The following CSMD1 variants were observed in gnomAD, a reference collection of about 807,000 sequenced individuals.
The protein encoded by CSMD1 is CUB and Sushi multiple domains 1.
Under a neutral mutation model 417.5 loss-of-function variants are expected in CSMD1, and 213 were observed. The observed-to-expected ratio is 0.51, with a 90% confidence interval of 0.46 to 0.57. CSMD1 has a LOEUF of 0.57. CSMD1 is among the 20% of genes least tolerant of loss of function. The pLI is 0.00. For missense variants in CSMD1, 6,923 were observed against 4,529.7 expected, an observed-to-expected ratio of 1.53 and a Z score of -15.17; for synonymous variants, 2,862 against 1,736.8, an observed-to-expected ratio of 1.65 and a Z score of -16.11.
intron 41 of CSMD1, among the ~76,000 whole-genome samples, chr8:3,125,208 G>C (rs1209078068): frequency 6.6e-6 from 1 of 152,216 alleles, no homozygotes; most frequent in African/African-American, 2.4e-5. Context: ...AATTTTGGAA[G>C]GATCCTGTTG....
At chr8:4,164,021 T>C (rs1357643423) in intron 3 of CSMD1, among the ~76,000 whole-genome samples, 1 of 152,076 alleles carries the variant, frequency 6.6e-6, no homozygotes, top group Non-Finnish European at 1.5e-5. Context: ...ATAAGCAGAG[T>C]AAGCTGTTGG....
intron 12 of CSMD1, among the ~76,000 whole-genome samples, chr8:3,412,675 T>A (rs1043671686): frequency 6.6e-6 from 1 of 152,148 alleles, no homozygotes; most frequent in Non-Finnish European, 1.5e-5. Context: ...AGATGATCCT[T>A]ACAGAGTCAG....
In CSMD1 at chr8:4,164,272, ATTTTC is replaced by A. The variant is rs1192681405; in HGVS notation, c.416-132178_416-132174del. Among the ~76,000 whole-genome samples the A allele has an allele frequency of 2.6e-5, 4 of 152,190 alleles. No homozygotes were observed. The South Asian group carries it at 6.2e-4, about 24-fold the overall frequency. Reference sequence around the variant, plus strand: ...AACAAAATGATGTTAAAAAAGATTAATTTTCTTTAATGGATACAAATGATAAATAT... The same window carrying A: ...AACAAAATGATGTTAAAAAAGATTAATTTAATGGATACAAATGATAAATAT... On this transcript the variant is annotated intron_variant, in intron 3 of 69. Transcript: ENST00000635120.
At chr8:4,383,312 TG>T (rs1169175922) in intron 3 of CSMD1, among the ~76,000 whole-genome samples, 3 of 152,124 alleles carry the variant, frequency 2.0e-5, no homozygotes, top group Non-Finnish European at 2.9e-5. Flanking sequence ...GCGGTGGGCA[TG>T]GGGGGATCTC....
chr8:4,339,085 T>G (rs1800334330), intron 3 of CSMD1, among the ~76,000 whole-genome samples: 1 of 152,102 alleles, frequency 6.6e-6, no homozygotes, highest in African/African-American at 2.4e-5. Flanking sequence ...AGGCATGGAT[T>G]CTGAGTCTAG....
intron 3 of CSMD1, among the ~76,000 whole-genome samples, chr8:4,164,898 T>C (rs946588435): frequency 1.3e-5 from 2 of 150,950 alleles, no homozygotes; most frequent in Non-Finnish European, 2.9e-5. Context: ...AAAATATATA[T>C]ATATGTATAT....
intron 23 of CSMD1, among the ~76,000 whole-genome samples, chr8:3,323,655 C>T (rs546812868): frequency 6.6e-6 from 1 of 152,324 alleles, no homozygotes; most frequent in South Asian, 2.1e-4. Context: ...ACAGAAGAAA[C>T]ACATGACCTG....
At chr8:3,017,003 C>A (rs1182544299) in intron 52 of CSMD1, among the ~76,000 whole-genome samples, 1 of 152,234 alleles carries the variant, frequency 6.6e-6, no homozygotes, top group Non-Finnish European at 1.5e-5. Flanking sequence ...GTTATGTAAA[C>A]TGAATGTATC....
At chr8:4,778,531 A>G (rs1308872248) in intron 1 of CSMD1, among the ~76,000 whole-genome samples, 1 of 152,206 alleles carries the variant, frequency 6.6e-6, no homozygotes, top group Non-Finnish European at 1.5e-5. Context: ...CATACAGCAA[A>G]TCATAACTTT....
chr8:3,909,824 G>A (rs964966260), intron 5 of CSMD1, among the ~76,000 whole-genome samples: 1 of 150,164 alleles, frequency 6.7e-6, no homozygotes, highest in Non-Finnish European at 1.5e-5. Flanking sequence ...CATGGTGATT[G>A]TAATAGAAGC....
chr8:4,563,308 G>C (rs952402377), intron 2 of CSMD1, among the ~76,000 whole-genome samples: 1 of 152,182 alleles, frequency 6.6e-6, no homozygotes. Flanking sequence ...GGCTGAAGCA[G>C]GAGAATGGCG....
chr8:4,142,249 C>T (rs908976654), intron 3 of CSMD1, among the ~76,000 whole-genome samples: 1 of 151,156 alleles, frequency 6.6e-6, no homozygotes, highest in South Asian at 2.1e-4. Flanking sequence ...TTTACTAATA[C>T]AACAGGGTTT....
intron 3 of CSMD1, among the ~76,000 whole-genome samples, chr8:4,133,724 T>C (rs1803249647): frequency 6.6e-6 from 1 of 151,614 alleles, no homozygotes; most frequent in Non-Finnish European, 1.5e-5. Context: ...CTCAAGACTG[T>C]TTATGGTTAT....
At chr8:4,252,739 C>A (rs905531761) in intron 3 of CSMD1, among the ~76,000 whole-genome samples, 1 of 152,180 alleles carries the variant, frequency 6.6e-6, no homozygotes, top group Non-Finnish European at 1.5e-5. Context: ...ATTATGAGAG[C>A]GCTTTTAGAT....
At chr8:4,167,341 T>C (rs1416289578) in intron 3 of CSMD1, among the ~76,000 whole-genome samples, 1 of 152,202 alleles carries the variant, frequency 6.6e-6, no homozygotes, top group Non-Finnish European at 1.5e-5. Context: ...AGTAAGACTT[T>C]GTGAAGGGTG....
intron 3 of CSMD1, among the ~76,000 whole-genome samples, chr8:4,053,104 C>G (rs537611824): frequency 3.7e-4 from 56 of 152,238 alleles, no homozygotes; most frequent in African/African-American, 1.3e-3. Flanking sequence ...GGGGCTGATA[C>G]GAGGACCCCT....
chr8:4,844,067 T>G (rs1476256542), intron 1 of CSMD1, among the ~76,000 whole-genome samples: 2 of 152,204 alleles, frequency 1.3e-5, no homozygotes, highest in African/African-American at 2.4e-5. Flanking sequence ...GCCTCAGCTT[T>G]CTATCTTTAG....
intron 2 of CSMD1, among the ~76,000 whole-genome samples, chr8:4,424,958 A>G (rs1797460347): frequency 6.6e-6 from 1 of 152,140 alleles, no homozygotes; most frequent in African/African-American, 2.4e-5. Context: ...ACTCAAGAAC[A>G]TATTAAGATT....
At chr8:3,302,961 A>G (rs901700626) in intron 25 of CSMD1, among the ~76,000 whole-genome samples, 3 of 152,344 alleles carry the variant, frequency 2.0e-5, no homozygotes, top group East Asian at 3.9e-4. Context: ...CATGACCAGC[A>G]ACTGCTCCCA....
Sources: gnomAD v4.1 joint callset for allele counts (sites outside exome capture counted in the v4.1 genomes callset) on GRCh38, gnomAD v4.1.1 for gene constraint, MANE v1.5 for transcripts, NCBI Gene and HGNC (gene_info 2026-07-23, HGNC 2026-07-21) for gene names.